PBRM1: variants seen among roughly 807,000 people sequenced by gnomAD.
PBRM1 encodes polybromo 1.
A neutral mutation model predicts 194.5 loss-of-function variants in PBRM1; 27 were observed. The observed-to-expected ratio is 0.14, with a 90% CI of 0.10 to 0.19. PBRM1 has a LOEUF of 0.19. PBRM1 is among the 10% of genes least tolerant of loss of function. The pLI is 1.00. For synonymous variants in PBRM1, 655 were observed against 693.2 expected (o/e 0.94, Z 0.87); for missense variants, 1,466 against 2,077.2 (o/e 0.71, Z 5.72).
chr3:52,606,077 A>G (rs371810990), intron 16 of PBRM1, among the ~76,000 whole-genome samples: 16 of 152,026 alleles, frequency 1.1e-4, no homozygotes, highest in African/African-American at 3.9e-4. Flanking sequence ...ATGGCTCACT[A>G]CAGTCTCAAT....
At chr3:52,644,495 C>T (rs941973904) in intron 8 of PBRM1, among the ~76,000 whole-genome samples, 13 of 152,120 alleles carry the variant, frequency 8.5e-5, no homozygotes, top group African/African-American at 3.1e-4. Context: ...AGCAATTCTC[C>T]TGCCTCAGCC....
Position 52,637,192 on chromosome 3 carries a change from T to C in PBRM1, c.1088-2377A>G, listed in dbSNP as rs575615193. Among the ~76,000 whole-genome samples the C allele has an allele frequency of 5.7e-4, 87 of 152,296 alleles. 1 individual carries two copies. The highest frequency in any genetic ancestry group is 1.8e-3 in the Admixed American group (27 of 15,282). On this transcript the variant is annotated intron_variant, in intron 10 of 29. Coordinates refer to ENST00000296302, the Ensembl canonical transcript of PBRM1. The stretch of plus-strand genomic sequence containing the variant: ...TAAGCGGCATCTTTTAAAAAAACTG[T>C]CAACTGTAATCCTTATACATCTTTT...
At chr3:52,591,511 GTTTTTTTTTTTTTT>G (rs57736913) in intron 17 of PBRM1, among the ~76,000 whole-genome samples, 1 of 71,842 alleles carries the variant, frequency 1.4e-5, no homozygotes, top group Non-Finnish European at 2.5e-5. Context: ...TTTTGTCTTT[GTTTTTTTTTTTTTT>G]TTTTTTTTTT....
At chr3:52,561,494 GA>G (rs565593296) in intron 25 of PBRM1, among the ~76,000 whole-genome samples, 233 of 152,164 alleles carry the variant, frequency 1.5e-3, no homozygotes, top group African/African-American at 5.5e-3. Flanking sequence ...CTCAATGAAA[GA>G]AAAAAATCAT....
At chr3:52,659,973 C>T (rs560032574) in intron 4 of PBRM1, among the ~76,000 whole-genome samples, 1 of 152,270 alleles carries the variant, frequency 6.6e-6, no homozygotes, top group East Asian at 1.9e-4. Flanking sequence ...CATCTGCAAT[C>T]GCAGCTACTC....
rs1163710948 is a variant in PBRM1, at chr3:52,567,806, G to GTTT, written c.3692-3576_3692-3574dup. Among the ~76,000 whole-genome samples the GTTT allele has an allele frequency of 4.5e-4, 44 of 98,114 alleles. 1 individual carries two copies. Among genetic ancestry groups the GTTT allele is most frequent in the African/African-American group, 9.6e-4 (27 of 28,002 alleles). 64.4% of individuals were successfully genotyped at this position (98,114 alleles called of 152,430 possible). ...GCCACCATGCCTGGCTAATTTTTGT[G>GTTT]TTTTTTTTTTTTTTTTTTTTTTAGT... is the stretch of plus-strand genomic sequence containing the variant. On this transcript the variant is annotated intron_variant, in intron 22 of 29. Transcript: ENST00000296302.
At chr3:52,545,832 T>C (rs1249122678), downstream of PBRM1, 2 of 233,092 alleles carry the variant, frequency 8.6e-6, no homozygotes, top group African/African-American at 4.4e-5. Context: ...TATAGTTTAC[T>C]TGTACTTTCT....
chr3:52,589,645 T>G (rs2092816988), intron 17 of PBRM1, among the ~76,000 whole-genome samples: 1 of 152,204 alleles, frequency 6.6e-6, no homozygotes, highest in Non-Finnish European at 1.5e-5. Flanking sequence ...TTAATGCTTC[T>G]TAATGTGTTT....
intron 17 of PBRM1, among the ~76,000 whole-genome samples, chr3:52,589,865 G>A (rs1006552567): frequency 2.0e-5 from 3 of 151,900 alleles, no homozygotes; most frequent in African/African-American, 7.3e-5. Flanking sequence ...TTTCGCTCTT[G>A]TTGCCCAGGC....
chr3:52,642,253 T>G (rs1490904229), intron 9 of PBRM1, among the ~76,000 whole-genome samples: 1 of 151,548 alleles, frequency 6.6e-6, no homozygotes, highest in Non-Finnish European at 1.5e-5. Flanking sequence ...AAAGAGGGAG[T>G]GGAAAATAAG....
downstream of PBRM1, chr3:52,546,243 G>GT (rs1361434869): frequency 8.6e-6 from 2 of 232,786 alleles, no homozygotes; most frequent in East Asian, 1.2e-4. Flanking sequence ...GTTCTTTGGT[G>GT]TAATTCAAGG....
chr3:52,664,059 CAAAA>C (rs748042916), intron 3 of PBRM1, among the ~76,000 whole-genome samples: 2 of 92,894 alleles, frequency 2.2e-5, no homozygotes, highest in African/African-American at 4.1e-5. Flanking sequence ...GACTCCGTCT[CAAAA>C]AAAAAAAAAA....
exon 28 of PBRM1, chr3:52,550,775 G>A: frequency 6.2e-7 from 1 of 1,612,226 alleles, no homozygotes; most frequent in South Asian, 1.1e-5. Context: ...TCCACCTGGT[G>A]CTGGAGTCCC....
chr3:52,569,213 A>ATTTT (rs59228928), intron 22 of PBRM1, among the ~76,000 whole-genome samples: 1 of 136,414 alleles, frequency 7.3e-6, no homozygotes, highest in Non-Finnish European at 1.6e-5. Context: ...TTTCAATATG[A>ATTTT]TTTTTTTTTT....
At chr3:52,615,477 T>C (rs751055568) in intron 14 of PBRM1, 21 bp from the exon 17 acceptor site, 2 of 1,341,820 alleles carry the variant, frequency 1.5e-6, no homozygotes, top group Admixed American at 3.4e-5. Context: ...AAAATATACT[T>C]CAATTATTTT....
chr3:52,674,077 T>G (rs1457357408), intron 2 of PBRM1, among the ~76,000 whole-genome samples: 2 of 151,266 alleles, frequency 1.3e-5, no homozygotes, highest in African/African-American at 4.8e-5. Flanking sequence ...TATAGATATA[T>G]ATATAGAATG....
At chr3:52,668,389 G>A in intron 3 of PBRM1, 109 bp downstream of exon 4, 1 of 697,852 alleles carries the variant, frequency 1.4e-6, no homozygotes, top group Non-Finnish European at 2.4e-6. Context: ...GCGAACTCAA[G>A]CCACAAAAAG....
intron 15 of PBRM1, among the ~76,000 whole-genome samples, chr3:52,612,674 C>T (rs1039158501): frequency 2.6e-5 from 4 of 151,922 alleles, no homozygotes; most frequent in Non-Finnish European, 4.4e-5. Context: ...GAGGCGGAGG[C>T]GGACGGATCA....
intron 22 of PBRM1, among the ~76,000 whole-genome samples, chr3:52,571,854 CCCAA>C (rs1487937379): frequency 2.2e-4 from 8 of 36,668 alleles, no homozygotes; most frequent in African/African-American, 6.8e-4. Flanking sequence ...ACCTCATCTC[CCCAA>C]AAAAAAAAAA....
Sources: allele counts gnomAD v4.1 joint callset (sites outside exome capture counted in the v4.1 genomes callset), GRCh38; gene constraint gnomAD v4.1.1; transcripts MANE v1.5; gene names NCBI Gene and HGNC (gene_info 2026-07-23, HGNC 2026-07-21).